Variants in CELF4 observed in about 807,000 individuals in gnomAD.
The protein encoded by CELF4 is CUG-BP- and ETR-3-like factor 4.
A neutral mutation model predicts 59.9 loss-of-function variants in CELF4; 18 were observed. The observed-to-expected ratio is 0.30, with a 90% CI of 0.21 to 0.45. The LOEUF (loss-of-function observed/expected upper bound fraction) is 0.45. CELF4 is among the 20% of genes least tolerant of loss of function. The pLI, the probability that CELF4 is intolerant of heterozygous loss-of-function variation, is 1.00. For synonymous variants in CELF4, 261 were observed against 267.1 expected (o/e 0.98, Z 0.22); for missense variants, 456 against 689.0 (o/e 0.66, Z 3.79).
At chr18:37,539,471 AAACAC>A (rs1569569811) in intron 1 of CELF4, among the ~76,000 whole-genome samples, 9 of 89,162 alleles carry the variant, frequency 1.0e-4, no homozygotes, top group African/African-American at 6.2e-4. Flanking sequence ...ACACACACAC[AAACAC>A]ACACACACAC....
rs899856119 is a variant in CELF4 at position 37,264,706 on chromosome 18, G to T, written c.1217C>A (p.Pro406Gln). 1.3e-6 allele frequency: 2 copies of T among 1,580,410 alleles called. No individual in the cohort carries two copies. Among genetic ancestry groups the T allele is most frequent in the African/African-American group, 2.7e-5 (2 of 74,294 alleles). ...YGQISQAFPQPPPMIPQQQRE... is the reference protein window; with the variant it reads ...YGQISQAFPQQPPMIPQQQRE... ...CTGCTGCTGGGGGATCATTGGAGGCGGCTGAGGAAAGGCCTGGCTTATCTG... is the reference window on the plus strand; with the variant it reads ...CTGCTGCTGGGGGATCATTGGAGGCTGCTGAGGAAAGGCCTGGCTTATCTG... Residue 406 changes from proline (P) to glutamine (Q), a missense_variant, in exon 10 of 13, where the codon CCG (proline) becomes CAG (glutamine). Pro to Gln is a moderately conservative substitution (Grantham distance 76). Around this residue, in one of 7 missense-constraint regions of CELF4, gnomAD observed 256 missense variants for 340.8 expected, o/e 0.75. Coordinates refer to ENST00000420428, the MANE Select transcript of CELF4 (RefSeq NM_020180.4).
intron 9 of CELF4, among the ~76,000 whole-genome samples, chr18:37,265,074 A>G (rs978449678): frequency 6.8e-6 from 1 of 147,130 alleles, no homozygotes; most frequent in Non-Finnish European, 1.5e-5. Flanking sequence ...GTGTGGGTGT[A>G]CGTGTGTGTA....
At chr18:37,247,339 T>TAAGAG (rs2062617301) in intron 12 of CELF4, 1 of 129,918 alleles carries the variant, frequency 7.7e-6, no homozygotes, top group African/African-American at 3.0e-5. Context: ...TTTATATATG[T>TAAGAG]AGAGAGAGAG....
At chr18:37,461,129 C>T (rs2099792310) in intron 2 of CELF4, among the ~76,000 whole-genome samples, 1 of 152,152 alleles carries the variant, frequency 6.6e-6, no homozygotes. Flanking sequence ...AGGAGCCACC[C>T]CACAGAAGCA....
intron 1 of CELF4, among the ~76,000 whole-genome samples, chr18:37,524,386 T>G (rs1456291159): frequency 6.6e-6 from 1 of 152,142 alleles, no homozygotes; most frequent in Non-Finnish European, 1.5e-5. Context: ...CCAGGGTCTT[T>G]TAAAATCCCT....
intron 2 of CELF4, among the ~76,000 whole-genome samples, chr18:37,409,900 C>T (rs1367834327): frequency 6.6e-6 from 1 of 152,230 alleles, no homozygotes; most frequent in Admixed American, 6.5e-5. Context: ...GTTTGCTTTA[C>T]AAAGTGACCC....
chr18:37,535,825 A>C (rs989920449), intron 1 of CELF4, among the ~76,000 whole-genome samples: 1 of 152,158 alleles, frequency 6.6e-6, no homozygotes, highest in Non-Finnish European at 1.5e-5. Flanking sequence ...ACGCAGCGAG[A>C]GAGAACACGA....
chr18:37,516,824 A>G (rs575723582), intron 1 of CELF4, among the ~76,000 whole-genome samples: 6 of 152,130 alleles, frequency 3.9e-5, no homozygotes, highest in Admixed American at 2.6e-4. Flanking sequence ...GGCTCCCAAC[A>G]ACTGCGCTCC....
At chr18:37,388,578 C>T (rs142894514) in intron 2 of CELF4, among the ~76,000 whole-genome samples, 3 of 152,236 alleles carry the variant, frequency 2.0e-5, no homozygotes, top group Non-Finnish European at 2.9e-5. Context: ...TTGCATTTCT[C>T]GGTTACTAAT....
At chr18:37,391,800 G>T (rs1276572372) in intron 2 of CELF4, among the ~76,000 whole-genome samples, 1 of 152,236 alleles carries the variant, frequency 6.6e-6, no homozygotes, top group African/African-American at 2.4e-5. Context: ...GGGAGATTCA[G>T]GACACAAGAG....
intron 2 of CELF4, among the ~76,000 whole-genome samples, chr18:37,328,435 G>A (rs1040319676): frequency 4.6e-5 from 7 of 152,156 alleles, no homozygotes; most frequent in Admixed American, 6.6e-5. Context: ...CAGAGCTGAG[G>A]GTCCTTCTGG....
intron 2 of CELF4, among the ~76,000 whole-genome samples, chr18:37,465,615 C>G (rs1300835716): frequency 6.6e-6 from 1 of 152,110 alleles, no homozygotes; most frequent in African/African-American, 2.4e-5. Context: ...GTGCCCAGAG[C>G]TGGGATGGCT....
intron 12 of CELF4, among the ~76,000 whole-genome samples, chr18:37,251,472 G>A (rs1161511191): frequency 6.6e-6 from 1 of 152,184 alleles, no homozygotes; most frequent in Non-Finnish European, 1.5e-5. Flanking sequence ...CTTGAGCCAA[G>A]GAGGCTAAGA....
intron 1 of CELF4, among the ~76,000 whole-genome samples, chr18:37,551,439 G>A (rs1013194595): frequency 1.3e-5 from 2 of 152,198 alleles, no homozygotes; most frequent in African/African-American, 2.4e-5. Flanking sequence ...GACAATGGGG[G>A]CAGTTCTTCC....
At chr18:37,545,587 G>A (rs954208340) in intron 1 of CELF4, among the ~76,000 whole-genome samples, 2 of 152,174 alleles carry the variant, frequency 1.3e-5, no homozygotes, top group African/African-American at 2.4e-5. Context: ...GCCCCACTCT[G>A]GCCCTTTCCT....
rs954102245 is a variant in CELF4, at chr18:37,243,224, AAGG to A, written c.*2015_*2017del. On this transcript the variant is annotated 3_prime_UTR_variant, in exon 13 of 13. Coordinates refer to ENST00000420428, the MANE Select transcript of CELF4 (RefSeq NM_020180.4). ...TTTTTTTTACATCTGGACATCCTAA[AAGG>A]AGGAGTCAAGAGAAAAAAAGAAAAT... 5.5e-5 allele frequency: 8 copies of A among 145,256 alleles called. No individual in the cohort carries two copies. The highest frequency in any genetic ancestry group is 1.2e-4 in the Non-Finnish European group (8 of 66,884). 9.0% of individuals were successfully genotyped at this position (145,256 alleles called of 1,614,324 possible).
At chr18:37,546,883 A>G (rs2099981580) in intron 1 of CELF4, among the ~76,000 whole-genome samples, 1 of 152,176 alleles carries the variant, frequency 6.6e-6, no homozygotes, top group East Asian at 1.9e-4. Flanking sequence ...TCTACGCAGG[A>G]CAGGGCAACA....
At chr18:37,365,767 T>G (rs141956602) in intron 2 of CELF4, among the ~76,000 whole-genome samples, 1 of 152,208 alleles carries the variant, frequency 6.6e-6, no homozygotes, top group East Asian at 1.9e-4. Context: ...ATTACAGGTG[T>G]GAACCACCGC....
chr18:37,304,705 G>A (rs2096283901), intron 3 of CELF4, among the ~76,000 whole-genome samples: 1 of 152,210 alleles, frequency 6.6e-6, no homozygotes, highest in East Asian at 1.9e-4. Flanking sequence ...AACCAGGCCT[G>A]GGGACAGCAC....
Sources: allele counts gnomAD v4.1 joint callset (sites outside exome capture counted in the v4.1 genomes callset), GRCh38; gene constraint gnomAD v4.1.1; regional missense constraint gnomAD v4.1.1; transcripts MANE v1.5; gene names NCBI Gene and HGNC (gene_info 2026-07-23, HGNC 2026-07-21).